Variants in MBNL2 observed in about 807,000 individuals in gnomAD.
MBNL2 encodes the protein muscleblind like splicing regulator 2, also known as muscleblind-like protein 2.
In MBNL2, 17 loss-of-function variants were observed where a neutral mutation model predicts 41.9. The observed-to-expected ratio is 0.41, with a 90% CI of 0.28 to 0.61. MBNL2 has a LOEUF of 0.61. Among genes scored for constraint, MBNL2 ranks in the 20% least tolerant of loss-of-function variants. The probability of loss-of-function intolerance (pLI) is 0.35; values close to 1 mark genes in which losing one functional copy is unlikely to be tolerated. For missense variants in MBNL2, 336 were observed against 505.6 expected, an observed-to-expected ratio of 0.66 and a Z score of 3.22; for synonymous variants, 195 against 182.9, an observed-to-expected ratio of 1.07 and a Z score of -0.53.
intron 2 of MBNL2, among the ~76,000 whole-genome samples, chr13:97,316,091 C>T (rs1566412034): frequency 6.6e-6 from 1 of 152,240 alleles, no homozygotes; most frequent in Non-Finnish European, 1.5e-5. Flanking sequence ...GCATCTCAAA[C>T]ACCACTCCTG....
rs574264092 is a variant in MBNL2, at chr13:97,320,119, G to A, written c.175-14157G>A. ...ACATTTGTTAGAGGTGGCTGTGCTC[G>A]CTTCCCAAGGCTGCTATAACCAGTA... is the stretch of plus-strand genomic sequence containing the variant. On this transcript the variant is annotated intron_variant, in intron 2 of 8. Coordinates refer to ENST00000679496, the MANE Select transcript of MBNL2 (RefSeq NM_001382683.1). Among the ~76,000 whole-genome samples the A allele has an allele frequency of 2.9e-4, 44 of 152,236 alleles. 1 individual carries two copies. In the South Asian group the frequency reaches 4.6e-3, roughly 16 times the overall value.
In MBNL2 at chr13:97,285,014, G is replaced by A. The variant is rs1370637564; in HGVS notation, c.174+8605G>A. ...GAAACCATTTATTATTAAGGTGTAA[G>A]GAGAAAGAAAGAAATATTTATCATG... On this transcript the variant is annotated intron_variant, in intron 2 of 8. Transcript: ENST00000679496. Among the ~76,000 whole-genome samples the A allele has an allele frequency of 2.0e-5, 3 of 152,190 alleles. No individual in the cohort carries two copies. The East Asian group carries it at 5.8e-4, about 29-fold the overall frequency.
At chr13:97,253,830 A>C (rs2047039606) in intron 1 of MBNL2, among the ~76,000 whole-genome samples, 1 of 151,866 alleles carries the variant, frequency 6.6e-6, no homozygotes, top group Non-Finnish European at 1.5e-5. Flanking sequence ...ATATTGTGTA[A>C]TGTTCTTTGG....
chr13:97,276,402 C>T lies in MBNL2; in HGVS notation c.167C>T (p.Ser56Phe). 1 of 1,613,922 alleles carries T rather than the reference C, an allele frequency of 6.2e-7. No individual in the cohort carries two copies. Among genetic ancestry groups the T allele is most frequent in the Non-Finnish European group, 8.5e-7 (1 of 1,179,850 alleles). ...GGAAGAGTAATTGCCTGCTTTGATTCCCTAAAGGTAAGAGAATGCGTTTTA... is the reference window on the plus strand; with the variant it reads ...GGAAGAGTAATTGCCTGCTTTGATTTCCTAAAGGTAAGAGAATGCGTTTTA... ...ENGRVIACFD[S>F]LKGRCSRENC... The change falls in exon 2 of 9, where the codon TCC becomes TTC. Residue 56 changes from serine (S) to phenylalanine (F), a missense_variant. By Grantham distance (155) the Ser-to-Phe change is radical. Coordinates refer to ENST00000679496, the MANE Select transcript of MBNL2 (RefSeq NM_001382683.1).
the MBNL2 span, among the ~76,000 whole-genome samples, chr13:97,211,414 AG>A: frequency 6.6e-6 from 1 of 152,242 alleles, no homozygotes; most frequent in Non-Finnish European, 1.5e-5. Flanking sequence ...AAACTGGAGT[AG>A]AAAAAGCACA....
chr13:97,155,690 T>C, the MBNL2 span, among the ~76,000 whole-genome samples: 1 of 151,950 alleles, frequency 6.6e-6, no homozygotes, highest in Non-Finnish European at 1.5e-5. Context: ...AATGATGGTT[T>C]CCAATTTCAT....
At chr13:97,344,944 C>T (rs2061715060) in intron 4 of MBNL2, among the ~76,000 whole-genome samples, 1 of 152,220 alleles carries the variant, frequency 6.6e-6, no homozygotes, top group Non-Finnish European at 1.5e-5. Context: ...AGCCTGATGG[C>T]TGGTCCACAC....
chr13:97,372,923 G>A (rs2064526357), intron 8 of MBNL2, among the ~76,000 whole-genome samples: 1 of 152,140 alleles, frequency 6.6e-6, no homozygotes, highest in Admixed American at 6.5e-5. Context: ...GACAAATGTA[G>A]GAGGCATTAA....
At chr13:97,287,923 T>C (rs1443885685) in intron 2 of MBNL2, among the ~76,000 whole-genome samples, 4 of 120,090 alleles carry the variant, frequency 3.3e-5, no homozygotes, top group African/African-American at 9.3e-5. Flanking sequence ...TTTCTGTTTT[T>C]TTTTTGTTTT....
chr13:97,227,804 G>GA lies in MBNL2; in HGVS notation c.-605+5274dup, dbSNP rs888841456. The stretch of plus-strand genomic sequence containing the variant: ...AGACTTTGGGACCATTGGTAGCCTA[G>GA]ATGCCAAGGAAGAGCAAGAAGACAG... On this transcript the variant is annotated intron_variant, in intron 1 of 8. Transcript: ENST00000679496. Among the ~76,000 whole-genome samples, 10 of 152,158 alleles carry GA rather than the reference G, an allele frequency of 6.6e-5. 1 individual carries two copies. The highest frequency in any genetic ancestry group is 6.6e-4 in the Admixed American group (10 of 15,252).
chr13:97,145,033 A>G, the MBNL2 span, among the ~76,000 whole-genome samples: 15 of 152,230 alleles, frequency 9.9e-5, no homozygotes, highest in African/African-American at 3.6e-4. Context: ...TGCTTTAGCA[A>G]TAAAATATGT....
At chr13:97,379,486 CAACACTA>C (rs1178241615) in intron 8 of MBNL2, among the ~76,000 whole-genome samples, 1 of 152,174 alleles carries the variant, frequency 6.6e-6, no homozygotes, top group African/African-American at 2.4e-5. Context: ...GTAAACGTAA[CAACACTA>C]GTTGAGGATG....
chr13:97,344,406 T>A (rs999704429), intron 4 of MBNL2, among the ~76,000 whole-genome samples: 4 of 152,204 alleles, frequency 2.6e-5, no homozygotes, highest in African/African-American at 9.7e-5. Flanking sequence ...GTGATGCATC[T>A]GGTTAGGACG....
At chr13:97,353,670 A>T (rs571127992) in intron 5 of MBNL2, among the ~76,000 whole-genome samples, 1 of 152,296 alleles carries the variant, frequency 6.6e-6, no homozygotes, top group South Asian at 2.1e-4. Context: ...CATCACCAGA[A>T]TTTTTTAAAC....
At chr13:97,198,722 T>C in the MBNL2 span, among the ~76,000 whole-genome samples, 1 of 152,022 alleles carries the variant, frequency 6.6e-6, no homozygotes, top group Non-Finnish European at 1.5e-5. Flanking sequence ...CTTGGAACCA[T>C]CATTGGCTTC....
At chr13:97,187,724 A>G in the MBNL2 span, among the ~76,000 whole-genome samples, 5 of 151,306 alleles carry the variant, frequency 3.3e-5, no homozygotes, top group Non-Finnish European at 5.9e-5. Flanking sequence ...TGGCTAACAC[A>G]CTGAAACCCC....
chr13:97,331,373 T>C (rs913622597), intron 2 of MBNL2, among the ~76,000 whole-genome samples: 1 of 152,206 alleles, frequency 6.6e-6, no homozygotes, highest in Non-Finnish European at 1.5e-5. Context: ...CCAGAATCTG[T>C]GAGCTTGATT....
chr13:97,172,885 T>G, the MBNL2 span: 12 of 152,064 alleles, frequency 7.9e-5, no homozygotes, highest in Non-Finnish European at 1.5e-4. Flanking sequence ...CAGAAGAGTG[T>G]TTAGCACAGA....
intron 2 of MBNL2, among the ~76,000 whole-genome samples, chr13:97,326,891 G>A (rs1169843403): frequency 1.3e-5 from 2 of 152,156 alleles, no homozygotes; most frequent in South Asian, 2.1e-4. Context: ...GAAATGTACT[G>A]GGAGGAAGAA....
Sources: allele counts gnomAD v4.1 joint callset (sites outside exome capture counted in the v4.1 genomes callset), GRCh38; gene constraint gnomAD v4.1.1; transcripts MANE v1.5; gene names NCBI Gene and HGNC (gene_info 2026-07-23, HGNC 2026-07-21).